MOB1B: variants seen among roughly 807,000 people sequenced by gnomAD.
The protein encoded by MOB1B is MOB kinase activator 1B.
Under a neutral mutation model 24.4 loss-of-function variants are expected in MOB1B, and 19 were observed. That is an observed-to-expected ratio of 0.78 (90% CI 0.54 to 1.14). MOB1B has a LOEUF of 1.14. MOB1B is among the 50% of genes most tolerant of loss of function. MOB1B has a pLI of 0.00. For missense variants in MOB1B, 243 were observed against 259.6 expected (o/e 0.94, Z 0.44); for synonymous variants, 76 against 82.1 (o/e 0.93, Z 0.40).
intron 1 of MOB1B, among the ~76,000 whole-genome samples, chr4:70,924,026 A>G (rs7698602): frequency 0.019 from 2,932 of 151,764 alleles, 34 homozygotes; most frequent in Middle Eastern, 0.041. Context: ...CTCTGTAAAT[A>G]AAGAGTAATT....
chr4:70,916,198 G>C (rs1736186551), intron 1 of MOB1B, among the ~76,000 whole-genome samples: 1 of 152,150 alleles, frequency 6.6e-6, no homozygotes, highest in Non-Finnish European at 1.5e-5. Context: ...TTCTCACTTA[G>C]GTGAGAGTGT....
At chr4:70,955,686 T>C (rs1738016694) in intron 1 of MOB1B, among the ~76,000 whole-genome samples, 1 of 151,582 alleles carries the variant, frequency 6.6e-6, no homozygotes, top group Admixed American at 6.6e-5. Context: ...GGCCAGACTG[T>C]TCTTGAACTC....
intron 1 of MOB1B, among the ~76,000 whole-genome samples, chr4:70,943,716 GACTAT>G (rs1737447023): frequency 6.6e-6 from 1 of 152,232 alleles, no homozygotes; most frequent in East Asian, 1.9e-4. Flanking sequence ...AGTAGTAGAA[GACTAT>G]ACGTGTACCT....
chr4:70,952,503 C>A (rs932858244), intron 1 of MOB1B, among the ~76,000 whole-genome samples: 2 of 151,520 alleles, frequency 1.3e-5, no homozygotes, highest in South Asian at 2.1e-4. Context: ...ATTAGGTGAC[C>A]GTGGTGGCGG....
At chr4:70,918,056 A>C (rs1736263090) in intron 1 of MOB1B, among the ~76,000 whole-genome samples, 1 of 152,212 alleles carries the variant, frequency 6.6e-6, no homozygotes, top group Admixed American at 6.5e-5. Flanking sequence ...TGGAACATAC[A>C]TTATCCACAA....
chr4:70,938,646 T>A (rs1737190870), intron 1 of MOB1B, among the ~76,000 whole-genome samples: 1 of 152,128 alleles, frequency 6.6e-6, no homozygotes, highest in Non-Finnish European at 1.5e-5. Context: ...AACAGAGTGG[T>A]AAAAATCCTG....
chr4:70,912,039 G>A (rs1471337110), intron 1 of MOB1B, among the ~76,000 whole-genome samples: 1 of 151,606 alleles, frequency 6.6e-6, no homozygotes, highest in Non-Finnish European at 1.5e-5. Flanking sequence ...TGGGACTACA[G>A]TCGCCTACCA....
At chr4:70,941,136 A>G (rs1578372278) in intron 1 of MOB1B, among the ~76,000 whole-genome samples, 1 of 147,726 alleles carries the variant, frequency 6.8e-6, no homozygotes, top group Admixed American at 6.7e-5. Flanking sequence ...TCTGGCTATC[A>G]TATCTCTCTT....
upstream of MOB1B, chr4:70,902,311 C>A (rs1468576726): frequency 8.3e-6 from 5 of 600,380 alleles, no homozygotes; most frequent in South Asian, 3.8e-5. Context: ...CCCTTTCCTT[C>A]CCCTCCCCTG....
intron 1 of MOB1B, among the ~76,000 whole-genome samples, chr4:70,950,478 A>G (rs1336126339): frequency 1.3e-5 from 2 of 151,022 alleles, no homozygotes; most frequent in Non-Finnish European, 2.9e-5. Context: ...TAAATCCTGG[A>G]TTTAAATTTT....
Position 70,978,032 on chromosome 4 carries a change from C to T in MOB1B, c.410-1096C>T, listed in dbSNP as rs141285015. On this transcript the variant is annotated intron_variant, in intron 4 of 5. Transcript: ENST00000309395. Reference sequence around the variant, plus strand: ...TTGTAACTATGGTCCTCATGTTGTACATTAGATCTTTAGTCTTGTTCATTT... The same window carrying T: ...TTGTAACTATGGTCCTCATGTTGTATATTAGATCTTTAGTCTTGTTCATTT... Among the ~76,000 whole-genome samples, 67 of 152,262 alleles carry T rather than the reference C, an allele frequency of 4.4e-4. 1 individual carries two copies. In the East Asian group the frequency reaches 0.012, roughly 28 times the overall value.
chr4:70,915,089 A>G (rs950252958), intron 1 of MOB1B, among the ~76,000 whole-genome samples: 25 of 152,194 alleles, frequency 1.6e-4, no homozygotes, highest in African/African-American at 6.0e-4. Context: ...TCATTATCTT[A>G]ACAATGATGA....
intron 1 of MOB1B, among the ~76,000 whole-genome samples, chr4:70,905,208 TTTG>T (rs1735692787): frequency 6.6e-6 from 1 of 152,192 alleles, no homozygotes; most frequent in African/African-American, 2.4e-5. Flanking sequence ...ATTTCTTCTA[TTTG>T]TTATTTGGTA....
At chr4:70,939,308 TAAAAAG>T (rs1417360728) in intron 1 of MOB1B, among the ~76,000 whole-genome samples, 1 of 151,974 alleles carries the variant, frequency 6.6e-6, no homozygotes, top group Non-Finnish European at 1.5e-5. Flanking sequence ...CTCATAGAAA[TAAAAAG>T]AATGAAAGAG....
intron 1 of MOB1B, among the ~76,000 whole-genome samples, chr4:70,957,579 C>T (rs1738119225): frequency 6.6e-6 from 1 of 151,808 alleles, no homozygotes; most frequent in Non-Finnish European, 1.5e-5. Flanking sequence ...GCTGGGACTA[C>T]GGGCTGCACC....
intron 1 of MOB1B, among the ~76,000 whole-genome samples, chr4:70,950,368 G>A (rs1195111910): frequency 2.0e-5 from 3 of 150,586 alleles, no homozygotes; most frequent in African/African-American, 2.4e-5. Context: ...CCCAGGAGGC[G>A]GATGAGCCAA....
chr4:70,932,178 G>A (rs1033744606), intron 1 of MOB1B, among the ~76,000 whole-genome samples: 5 of 152,080 alleles, frequency 3.3e-5, no homozygotes, highest in African/African-American at 4.8e-5. Context: ...ATTGAATATC[G>A]ATTGTATGCC....
At chr4:70,908,186 C>T (rs541783501) in intron 1 of MOB1B, among the ~76,000 whole-genome samples, 29 of 151,506 alleles carry the variant, frequency 1.9e-4, no homozygotes, top group African/African-American at 6.5e-4. Flanking sequence ...CCACCATGCC[C>T]GGCTACTTTT....
intron 1 of MOB1B, among the ~76,000 whole-genome samples, chr4:70,936,271 G>A (rs145080583): frequency 1.9e-3 from 293 of 152,228 alleles, no homozygotes; most frequent in Middle Eastern, 3.4e-3. Flanking sequence ...TGGGATTGCT[G>A]GAATTACAGG....
Sources: gnomAD v4.1 joint callset for allele counts (sites outside exome capture counted in the v4.1 genomes callset) on GRCh38, gnomAD v4.1.1 for gene constraint, MANE v1.5 for transcripts, NCBI Gene and HGNC (gene_info 2026-07-23, HGNC 2026-07-21) for gene names.